Variants in PABPN1L observed in about 807,000 individuals in gnomAD.
PABPN1L encodes PABPN1 like, cytoplasmic.
PABPN1L carries 45 observed loss-of-function variants against 34.0 expected under a neutral mutation model. The ratio of observed to expected loss-of-function variants is 1.32; its 90% CI spans 1.04 to 1.70. The LOEUF (loss-of-function observed/expected upper bound fraction) is 1.70, where lower values mean the gene tolerates loss of function less well. Among genes scored for constraint, PABPN1L ranks in the 40% most tolerant of loss-of-function variants. The probability of loss-of-function intolerance (pLI) is 0.00; values close to 1 mark genes in which losing one functional copy is unlikely to be tolerated. For missense variants in PABPN1L, 459 were observed against 367.8 expected, an observed-to-expected ratio of 1.25 and a Z score of -2.03; for synonymous variants, 182 against 152.1, an observed-to-expected ratio of 1.20 and a Z score of -1.45.
chr16:88,863,603 TC>T (rs909499356), exon 7 of PABPN1L: 4 of 977,100 alleles, frequency 4.1e-6, no homozygotes, highest in East Asian at 2.6e-5. Context: ...TACTGGGCCA[TC>T]CCCCCGCCAA....
Position 88,865,130 on chromosome 16 carries a change from T to C in PABPN1L, c.460-2A>G. On this transcript the variant is annotated splice_acceptor_variant, in intron 3 of 6. Transcript: ENST00000419291. LOFTEE classifies it high-confidence loss of function. ...CTCGGCGGAGCCCCCGTAGTCCACC[T>C]GCACCCAGGCCCAGACCAGCATGTG... is the stretch of plus-strand genomic sequence containing the variant. 6.4e-7 allele frequency: 1 copy of C among 1,565,590 alleles called. No homozygotes were observed. The highest frequency in any genetic ancestry group is 1.4e-5 in the African/African-American group (1 of 73,464).
chr16:88,866,588 G>C, exon 1 of PABPN1L: 1 of 1,549,602 alleles, frequency 6.5e-7, no homozygotes, highest in Non-Finnish European at 8.7e-7. Flanking sequence ...AAGAGAGAGC[G>C]GCTCGGGAAG....
At chr16:88,868,033 G>T (rs1176865513), upstream of PABPN1L, among the ~76,000 whole-genome samples, 1 of 152,198 alleles carries the variant, frequency 6.6e-6, no homozygotes, top group Non-Finnish European at 1.5e-5. Context: ...CGTGGCCTAG[G>T]CTGGAGCTGC....
chr16:88,864,085 A>C (rs1184053495), intron 6 of PABPN1L, among the ~76,000 whole-genome samples, 152 bp downstream of exon 6: 2 of 136,600 alleles, frequency 1.5e-5, no homozygotes, highest in African/African-American at 6.3e-5. Flanking sequence ...CGCCCCCCCC[A>C]CCAGCTGATG....
At chr16:88,864,180 C>T in intron 6 of PABPN1L, 57 bp downstream of exon 6, 1 of 1,510,348 alleles carries the variant, frequency 6.6e-7, no homozygotes, top group Non-Finnish European at 8.9e-7. Flanking sequence ...CCTCCTGCCC[C>T]TGATGCCCTC....
At chr16:88,865,279 G>C (rs1437921259) in intron 3 of PABPN1L, among the ~76,000 whole-genome samples, 151 bp from the exon 4 acceptor site, 1 of 151,684 alleles carries the variant, frequency 6.6e-6, no homozygotes, top group Non-Finnish European at 1.5e-5. Flanking sequence ...GGGTTGGAGG[G>C]AAGAGAGGAA....
chr16:88,866,702 C>A, upstream of PABPN1L: 1 of 1,420,350 alleles, frequency 7.0e-7, no homozygotes, highest in South Asian at 1.5e-5. Flanking sequence ...TTTAAGCCCT[C>A]CCCTGAGGCC....
At chr16:88,870,042 G>A (rs773827504), upstream of PABPN1L, among the ~76,000 whole-genome samples, 16 of 152,136 alleles carry the variant, frequency 1.1e-4, no homozygotes, top group East Asian at 5.8e-4. Context: ...GGGGCAAGCC[G>A]TCCCTTCCTG....
At chr16:88,865,584 G>C (rs1313900602) in exon 3 of PABPN1L, 11 of 1,611,984 alleles carry the variant, frequency 6.8e-6, no homozygotes, top group South Asian at 3.3e-5. Flanking sequence ...AGACGGATCT[G>C]TGGTCAGCCT....
chr16:88,869,990 C>T (rs958573184), upstream of PABPN1L, among the ~76,000 whole-genome samples: 7 of 152,238 alleles, frequency 4.6e-5, no homozygotes, highest in South Asian at 2.1e-4. Flanking sequence ...AGACAGGATC[C>T]GTGTGTGACC....
chr16:88,864,610 C>T (rs1407499836), intron 5 of PABPN1L, among the ~76,000 whole-genome samples: 3 of 152,026 alleles, frequency 2.0e-5, no homozygotes, highest in Non-Finnish European at 1.5e-5. Flanking sequence ...AGGGGGGGGT[C>T]ACGGCCAGCA....
chr16:88,865,943 T>A lies in PABPN1L; in HGVS notation c.256-2A>T. ...CTTCATCTTGATGGCCTCCAGCTCC[T>A]GCCGACACACGGCCCTGAGCCGGGC... On this transcript the variant is annotated splice_acceptor_variant, in intron 1 of 6. Coordinates refer to ENST00000419291, the Ensembl canonical transcript of PABPN1L. LOFTEE classifies it high-confidence loss of function. The A allele has an allele frequency of 6.2e-7, 1 of 1,605,712 alleles. No homozygotes were observed. Among genetic ancestry groups the A allele is most frequent in the Non-Finnish European group, 8.5e-7 (1 of 1,178,968 alleles).
chr16:88,866,467 C>G, exon 1 of PABPN1L: 1 of 1,551,546 alleles, frequency 6.4e-7, no homozygotes, highest in East Asian at 2.4e-5. Flanking sequence ...CTCCTCCTTC[C>G]CTTCCCCACC....
chr16:88,864,871 G>T (rs1054470318), exon 5 of PABPN1L: 10 of 1,610,492 alleles, frequency 6.2e-6, no homozygotes, highest in Non-Finnish European at 8.5e-6. Context: ...CCCGGCCCCG[G>T]AAGAGGCTCT....
chr16:88,866,660 C>T (rs1016737039), upstream of PABPN1L: 11 of 1,475,338 alleles, frequency 7.5e-6, no homozygotes, highest in Admixed American at 2.3e-5. Context: ...CCACTCCCCT[C>T]GCGTCCGCAC....
chr16:88,866,708 A>C, upstream of PABPN1L: 5 of 1,410,778 alleles, frequency 3.5e-6, no homozygotes, highest in Non-Finnish European at 4.6e-6. Context: ...CCCTCCCCTG[A>C]GGCCAGCTGC....
chr16:88,866,750 G>A (rs909831983), upstream of PABPN1L: 1 of 1,204,594 alleles, frequency 8.3e-7, no homozygotes, highest in Admixed American at 3.0e-5. Flanking sequence ...GGCTGAGTGG[G>A]GCTGAGCTTC....
At chr16:88,866,211 C>A (rs1294620065) in intron 1 of PABPN1L, 141 bp downstream of exon 1, 3 of 1,368,588 alleles carry the variant, frequency 2.2e-6, no homozygotes, top group Non-Finnish European at 2.9e-6. Context: ...GGTCTCCTTG[C>A]CACCTTCGTC....
chr16:88,865,834 G>A (rs767449542), exon 2 of PABPN1L: 25 of 1,608,750 alleles, frequency 1.6e-5, no homozygotes, highest in Middle Eastern at 1.7e-4. Context: ...GCAGCTGCCC[G>A]GCCGCGGTGC....
Sources: gnomAD v4.1 joint callset for allele counts (sites outside exome capture counted in the v4.1 genomes callset) on GRCh38, gnomAD v4.1.1 for gene constraint, MANE v1.5 for transcripts, NCBI Gene and HGNC (gene_info 2026-07-23, HGNC 2026-07-21) for gene names.